AKAP1: variants seen among roughly 807,000 people sequenced by gnomAD.
AKAP1 encodes the protein A-kinase anchoring protein 1.
Under a neutral mutation model 79.8 loss-of-function variants are expected in AKAP1, and 32 were observed. That is an observed-to-expected ratio of 0.40 (90% CI 0.30 to 0.54). The LOEUF (loss-of-function observed/expected upper bound fraction) is 0.54. Among genes scored for constraint, AKAP1 ranks in the 20% least tolerant of loss-of-function variants. The pLI, the probability that AKAP1 is intolerant of heterozygous loss-of-function variation, is 0.47. For synonymous variants in AKAP1, 416 were observed against 466.7 expected, an observed-to-expected ratio of 0.89 and a Z score of 1.40; for missense variants, 961 against 1,138.9, an observed-to-expected ratio of 0.84 and a Z score of 2.25.
chr17:57,087,234 C>T (rs2144609879), intron 1 of AKAP1, among the ~76,000 whole-genome samples: 1 of 152,240 alleles, frequency 6.6e-6, no homozygotes, highest in Middle Eastern at 3.4e-3. Context: ...GGTAACAGAT[C>T]CTAGCCAATG....
intron 5 of AKAP1, 22 bp downstream of exon 5, chr17:57,112,640 C>T: frequency 6.3e-7 from 1 of 1,583,212 alleles, no homozygotes; most frequent in African/African-American, 1.4e-5. Flanking sequence ...ACTGGGTGAT[C>T]CGGACTTCTT....
intron 1 of AKAP1, chr17:57,095,801 T>C (rs2270277): frequency 0.8 from 121,439 of 151,868 alleles, 48,647 homozygotes; most frequent in South Asian, 0.89. Flanking sequence ...CATTTCATAC[T>C]TTTTGGGCAG....
chr17:57,089,986 CTGA>C (rs1245586719), intron 1 of AKAP1, among the ~76,000 whole-genome samples: 1 of 152,236 alleles, frequency 6.6e-6, no homozygotes. Context: ...CTTCACCCAC[CTGA>C]TGACTTCCTA....
Position 57,106,526 on chromosome 17 carries a change from A to G in AKAP1, c.1062A>G (p.Gln354=), listed in dbSNP as rs1914882307. ...IKRAAFQIIS[Q]VISEATEQVL... The stretch of plus-strand genomic sequence containing the variant: ...GGGCTGCCTTCCAGATAATCTCCCA[A>G]GTGATCTCAGAAGCAACCGAACAGG... The change falls in exon 2 of 11, where the codon CAA becomes CAG. Residue 354 remains glutamine (Q), a synonymous_variant. Transcript: ENST00000337714. 9 of 1,614,210 alleles carry G rather than the reference A, an allele frequency of 5.6e-6. No homozygotes were observed. Among genetic ancestry groups the G allele is most frequent in the Non-Finnish European group, 7.6e-6 (9 of 1,180,038 alleles).
intron 1 of AKAP1, among the ~76,000 whole-genome samples, chr17:57,102,997 A>C (rs906468631): frequency 6.6e-6 from 1 of 152,102 alleles, no homozygotes; most frequent in African/African-American, 2.4e-5. Context: ...GGAGAACTGC[A>C]TGAACCTGGA....
At chr17:57,102,901 G>A (rs1274551944) in intron 1 of AKAP1, among the ~76,000 whole-genome samples, 4 of 152,064 alleles carry the variant, frequency 2.6e-5, no homozygotes, top group South Asian at 2.1e-4. Flanking sequence ...CCAACATGGC[G>A]AAACCCCGTC....
chr17:57,110,877 T>G (rs1915202072), intron 3 of AKAP1, among the ~76,000 whole-genome samples: 5 of 152,180 alleles, frequency 3.3e-5, no homozygotes, highest in Admixed American at 3.3e-4. Flanking sequence ...TTACAACATA[T>G]TAGCTTGATC....
At chr17:57,103,058 G>A (rs994591961) in intron 1 of AKAP1, among the ~76,000 whole-genome samples, 2 of 152,114 alleles carry the variant, frequency 1.3e-5, no homozygotes, top group African/African-American at 2.4e-5. Context: ...CAGCCTGGAC[G>A]ACAGCGAGAT....
Position 57,116,233 on chromosome 17 carries a change from G to A in AKAP1, c.2404G>A (p.Val802Met), listed in dbSNP as rs373194208. 6.2e-7 allele frequency: 1 copy of A among 1,614,204 alleles called. No homozygotes were observed. The highest frequency in any genetic ancestry group is 8.5e-7 in the Non-Finnish European group (1 of 1,180,034). Residue 802 changes from valine (V) to methionine (M), a missense_variant, in exon 7 of 11, where the codon GTG becomes ATG. Val to Met is a conservative substitution (Grantham distance 21). Transcript: ENST00000337714. ...CGTGGACTACGGCGGATATAAGAGG[G>A]TGAAAGTAGACGTGCTCCGGCAAAT... Reference protein sequence around the residue: ...RYVDYGGYKRVKVDVLRQIRS... With the variant: ...RYVDYGGYKRMKVDVLRQIRS...
At chr17:57,107,684 G>T (rs988228353) in intron 2 of AKAP1, among the ~76,000 whole-genome samples, 2 of 152,018 alleles carry the variant, frequency 1.3e-5, no homozygotes, top group African/African-American at 4.8e-5. Context: ...GTGTGCGTGT[G>T]TGTGTGTGTT....
At chr17:57,085,884 T>TG (rs1913413749) in intron 1 of AKAP1, 1 of 164,882 alleles carries the variant, frequency 6.1e-6, no homozygotes, top group African/African-American at 2.4e-5. Flanking sequence ...GTACACAGTC[T>TG]GAGCCGGAGC....
chr17:57,110,236 G>T, intron 3 of AKAP1, 78 bp downstream of exon 3: 2 of 1,564,782 alleles, frequency 1.3e-6, no homozygotes. Flanking sequence ...ACCTCAGGGA[G>T]GGAGGGGGCT....
At chr17:57,103,549 T>C (rs916531421) in intron 1 of AKAP1, among the ~76,000 whole-genome samples, 1 of 152,368 alleles carries the variant, frequency 6.6e-6, no homozygotes, top group Non-Finnish European at 1.5e-5. Context: ...TTAAAAGTAC[T>C]GATGTTCTGG....
intron 1 of AKAP1, among the ~76,000 whole-genome samples, chr17:57,103,316 C>T (rs2074684601): frequency 6.6e-6 from 1 of 152,222 alleles, no homozygotes; most frequent in Admixed American, 6.5e-5. Context: ...ACTTCAGGGG[C>T]AGAACACACC....
chr17:57,092,138 A>G (rs1301820604), intron 1 of AKAP1: 3 of 152,224 alleles, frequency 2.0e-5, no homozygotes, highest in African/African-American at 7.2e-5. Flanking sequence ...AGGCATGGCC[A>G]TAGACCCCCG....
intron 1 of AKAP1, among the ~76,000 whole-genome samples, chr17:57,097,918 C>G (rs1398471780): frequency 2.0e-5 from 3 of 152,246 alleles, no homozygotes; most frequent in Non-Finnish European, 4.4e-5. Flanking sequence ...ACATGCGGCT[C>G]TTTTTGCAGT....
intron 10 of AKAP1, among the ~76,000 whole-genome samples, 157 bp from the exon 11 acceptor site, chr17:57,120,093 T>C (rs1368927131): frequency 1.3e-5 from 2 of 152,030 alleles, no homozygotes; most frequent in South Asian, 4.1e-4. Flanking sequence ...CCCAAAATGC[T>C]AGGATTACAG....
intron 2 of AKAP1, chr17:57,108,177 G>C: frequency 2.9e-6 from 1 of 350,844 alleles, no homozygotes; most frequent in Non-Finnish European, 4.6e-6. Flanking sequence ...TCCCATTTCA[G>C]CTCCGGGTAG....
chr17:57,107,103 G>C lies in AKAP1; in HGVS notation c.1639G>C (p.Val547Leu), dbSNP rs758285725. Reference sequence around the variant, plus strand: ...AAGTACTGTGCCCTTCAGCAATGGGGTGCTGAAGGGGGAGTTGTCAGACTT... The same window carrying C: ...AAGTACTGTGCCCTTCAGCAATGGGCTGCTGAAGGGGGAGTTGTCAGACTT... Reference protein sequence around the residue: ...PESTVPFSNGVLKGELSDLGA... With the variant: ...PESTVPFSNGLLKGELSDLGA... The change falls in exon 2 of 11, where the codon GTG (valine) becomes CTG (leucine). Residue 547 changes from valine (V) to leucine (L), a missense_variant. Physicochemically the swap from Val to Leu is conservative, Grantham distance 32. This residue lies in a region of AKAP1 where 629 missense variants were observed against 781.1 expected (regional missense o/e 0.81). Coordinates refer to ENST00000337714, the MANE Select transcript of AKAP1 (RefSeq NM_003488.4). The C allele has an allele frequency of 8.7e-6, 14 of 1,614,168 alleles. No individual in the cohort carries two copies. The East Asian group carries it at 3.1e-4, about 36-fold the overall frequency.
Sources: allele counts gnomAD v4.1 joint callset (sites outside exome capture counted in the v4.1 genomes callset), GRCh38; gene constraint gnomAD v4.1.1; regional missense constraint gnomAD v4.1.1; transcripts MANE v1.5; gene names NCBI Gene and HGNC (gene_info 2026-07-23, HGNC 2026-07-21).